CERS6: variants seen among roughly 807,000 people sequenced by gnomAD.
The protein encoded by CERS6 is LAG1 homolog, ceramide synthase 6.
CERS6 carries 26 observed loss-of-function variants against 56.8 expected under a neutral mutation model. The ratio of observed to expected loss-of-function variants is 0.46; its 90% CI spans 0.34 to 0.63. The LOEUF is 0.63. CERS6 is among the 30% of genes least tolerant of loss of function. CERS6 has a pLI of 0.01. For synonymous variants in CERS6, 164 were observed against 173.3 expected (o/e 0.95, Z 0.42); for missense variants, 415 against 467.5 (o/e 0.89, Z 1.04).
At chr2:168,635,496 T>C (rs1314283259) in intron 4 of CERS6, among the ~76,000 whole-genome samples, 1 of 152,114 alleles carries the variant, frequency 6.6e-6, no homozygotes, top group African/African-American at 2.4e-5. Flanking sequence ...CTCAAGTGCT[T>C]CTAAGAAGCT....
chr2:168,605,344 C>T (rs1242528759), intron 3 of CERS6, among the ~76,000 whole-genome samples: 1 of 152,192 alleles, frequency 6.6e-6, no homozygotes, highest in Non-Finnish European at 1.5e-5. Flanking sequence ...CTGGCTGCTT[C>T]TAACATCCTG....
intron 4 of CERS6, among the ~76,000 whole-genome samples, chr2:168,679,866 T>A (rs929695937): frequency 6.6e-6 from 1 of 152,218 alleles, no homozygotes; most frequent in African/African-American, 2.4e-5. Flanking sequence ...CTGATCCACA[T>A]TGTTCTTATT....
At position 168,721,879 on chromosome 2, in the gene CERS6, C is replaced by A. The variant is rs6756128; in HGVS notation, c.845+3901C>A. 6.4e-3 allele frequency among the ~76,000 whole-genome samples: 968 copies of A among 152,230 alleles called. 43 individuals are homozygous for A. The East Asian group carries it at 0.12, about 19-fold the overall frequency. ...AAGCAATCCTCCAGCCTAGGCTTCC[C>A]AAAGTGCTGGTATTACAGGTATGAG... On this transcript the variant is annotated intron_variant, in intron 8 of 9. Coordinates refer to ENST00000305747, the MANE Select transcript of CERS6 (RefSeq NM_203463.3).
At chr2:168,538,840 A>G (rs1001714238) in intron 1 of CERS6, among the ~76,000 whole-genome samples, 14 of 152,236 alleles carry the variant, frequency 9.2e-5, no homozygotes, top group Admixed American at 6.5e-4. Context: ...TTTGTCTGAC[A>G]GATTGTCTTA....
intron 4 of CERS6, among the ~76,000 whole-genome samples, chr2:168,661,217 A>G (rs934622190): frequency 1.3e-5 from 2 of 152,184 alleles, no homozygotes; most frequent in African/African-American, 4.8e-5. Flanking sequence ...AAGAATGAAC[A>G]TGTTAGGAAA....
chr2:168,456,340 C>A lies in CERS6; in HGVS notation c.-109C>A. The stretch of plus-strand genomic sequence containing the variant: ...CGGCGGCGGCGGGCGGGAGCAGCGG[C>A]GGCGGCGGCACAGGCTCGGGGCCAG... On this transcript the variant is annotated 5_prime_UTR_variant, in exon 1 of 10. Coordinates refer to ENST00000305747, the MANE Select transcript of CERS6 (RefSeq NM_203463.3). The surrounding 1 kb of genome is among the most constrained non-coding windows in gnomAD (Gnocchi z 4.1). 1.5e-6 allele frequency: 1 copy of A among 665,414 alleles called. No individual in the cohort carries two copies. Among genetic ancestry groups the A allele is most frequent in the Non-Finnish European group, 2.0e-6 (1 of 493,070 alleles). 41.2% of individuals were successfully genotyped at this position (665,414 alleles called of 1,614,324 possible).
chr2:168,731,337 A>C (rs1322777334), intron 8 of CERS6, among the ~76,000 whole-genome samples: 1 of 152,032 alleles, frequency 6.6e-6, no homozygotes, highest in Non-Finnish European at 1.5e-5. Flanking sequence ...TGAACCATCA[A>C]ATAATAGTAA....
intron 1 of CERS6, among the ~76,000 whole-genome samples, chr2:168,461,571 T>G (rs989625418): frequency 5.9e-5 from 9 of 152,146 alleles, no homozygotes; most frequent in African/African-American, 2.2e-4. Context: ...GGGTTGGCAT[T>G]CTTTGCAGAA....
At chr2:168,565,248 T>G (rs1478607382) in intron 3 of CERS6, among the ~76,000 whole-genome samples, 2 of 152,202 alleles carry the variant, frequency 1.3e-5, no homozygotes, top group African/African-American at 4.8e-5. Context: ...CTAGAATAGT[T>G]GTTATTAACT....
rs573665496 is a variant in CERS6, at chr2:168,635,028, GA to G, written c.465+3990del. On this transcript the variant is annotated intron_variant, in intron 4 of 9. Transcript: ENST00000305747. ...GTCTATCTATGAAGAAAAGTTAGCT[GA>G]AAACAGTGTGCTTAGTGATCCAGTT... Among the ~76,000 whole-genome samples, 210 of 152,288 alleles carry G rather than the reference GA, an allele frequency of 1.4e-3. No individual in the cohort carries two copies. In the Middle Eastern group the frequency reaches 0.017, roughly 12 times the overall value.
chr2:168,542,194 A>G (rs1007255162), intron 1 of CERS6, among the ~76,000 whole-genome samples: 4 of 152,234 alleles, frequency 2.6e-5, no homozygotes, highest in African/African-American at 9.6e-5. Context: ...TACACGACAA[A>G]AAGAGAATGT....
intron 8 of CERS6, among the ~76,000 whole-genome samples, chr2:168,729,436 C>T (rs527550330): frequency 1.3e-5 from 2 of 152,350 alleles, no homozygotes; most frequent in South Asian, 4.1e-4. Flanking sequence ...ACCTCCCTGA[C>T]TTTGGTCTTG....
At chr2:168,628,707 A>G (rs1202626628) in intron 3 of CERS6, among the ~76,000 whole-genome samples, 3 of 152,234 alleles carry the variant, frequency 2.0e-5, no homozygotes, top group African/African-American at 7.2e-5. Context: ...GCATTTCTAT[A>G]CAAGATGGCA....
chr2:168,571,509 C>A (rs916674474), intron 3 of CERS6, among the ~76,000 whole-genome samples: 1 of 152,040 alleles, frequency 6.6e-6, no homozygotes, highest in Non-Finnish European at 1.5e-5. Flanking sequence ...CAAGCCATTT[C>A]TCAAGTTGGA....
intron 2 of CERS6, among the ~76,000 whole-genome samples, chr2:168,552,110 T>G (rs1429893392): frequency 2.6e-5 from 4 of 152,158 alleles, no homozygotes; most frequent in Non-Finnish European, 5.9e-5. Flanking sequence ...TTCCTACAAT[T>G]TGTTTTTCCT....
At chr2:168,602,749 A>G (rs915409085) in intron 3 of CERS6, among the ~76,000 whole-genome samples, 3 of 152,210 alleles carry the variant, frequency 2.0e-5, no homozygotes, top group Admixed American at 1.3e-4. Context: ...TTGTGTATGC[A>G]TAAAGGAATG....
chr2:168,548,839 T>C (rs1695513094), intron 2 of CERS6, among the ~76,000 whole-genome samples: 1 of 152,228 alleles, frequency 6.6e-6, no homozygotes, highest in African/African-American at 2.4e-5. Context: ...CAGGTGTTTT[T>C]CATATCTCTG....
At chr2:168,634,573 A>T (rs1684821125) in intron 4 of CERS6, among the ~76,000 whole-genome samples, 1 of 151,952 alleles carries the variant, frequency 6.6e-6, no homozygotes, top group South Asian at 2.1e-4. Context: ...CCACCATGAC[A>T]GGCTAATTTT....
At chr2:168,747,630 CATTTT>C (rs922789402) in intron 8 of CERS6, among the ~76,000 whole-genome samples, 4 of 151,972 alleles carry the variant, frequency 2.6e-5, no homozygotes, top group African/African-American at 7.3e-5. Context: ...TGAGTGGTTT[CATTTT>C]ATTTTTTGAT....
Sources: allele counts gnomAD v4.1 joint callset (sites outside exome capture counted in the v4.1 genomes callset), GRCh38; gene constraint gnomAD v4.1.1; non-coding constraint Gnocchi (gnomAD v3.1); transcripts MANE v1.5; gene names NCBI Gene and HGNC (gene_info 2026-07-23, HGNC 2026-07-21).